KIAA1217: variants seen among roughly 807,000 people sequenced by gnomAD.
The protein encoded by KIAA1217 is KIAA1217, also known as sickle tail protein homolog.
A neutral mutation model predicts 163.9 loss-of-function variants in KIAA1217; 88 were observed. That is an observed-to-expected ratio of 0.54 (90% CI 0.45 to 0.64). The LOEUF is 0.64. Ranked by LOEUF, KIAA1217 falls within the 30% of genes least tolerant of loss-of-function variation. KIAA1217 has a pLI of 0.00. For synonymous variants in KIAA1217, 903 were observed against 923.1 expected (o/e 0.98, Z 0.39); for missense variants, 2,372 against 2,475.0 (o/e 0.96, Z 0.88).
Position 24,398,336 on chromosome 10 carries a change from G to A in KIAA1217, c.553+17269G>A, listed in dbSNP as rs115537561. Among the ~76,000 whole-genome samples, 1,241 of 152,240 alleles carry A rather than the reference G, an allele frequency of 8.2e-3. 18 individuals are homozygous for A. Among genetic ancestry groups the A allele is most frequent in the African/African-American group, 0.028 (1,155 of 41,538 alleles). On this transcript the variant is annotated intron_variant, in intron 3 of 20. Transcript: ENST00000376454. Reference sequence around the variant, plus strand: ...TGAATAAAGCTGAAGAAGAGGAGGAGGGGTTGGTCTTGCTGTCTGAGGGGT... The same window carrying A: ...TGAATAAAGCTGAAGAAGAGGAGGAAGGGTTGGTCTTGCTGTCTGAGGGGT...
At chr10:24,068,079 C>T (rs1000320167) in intron 2 of KIAA1217, among the ~76,000 whole-genome samples, 1 of 152,340 alleles carries the variant, frequency 6.6e-6, no homozygotes, top group Admixed American at 6.5e-5. Context: ...TTCCCTGACC[C>T]CTTGTGCTTC....
intron 1 of KIAA1217, among the ~76,000 whole-genome samples, chr10:23,913,694 G>A (rs945083505): frequency 6.6e-6 from 1 of 152,088 alleles, no homozygotes; most frequent in Non-Finnish European, 1.5e-5. Context: ...CTCTCGATTG[G>A]CATGTACCCT....
intron 1 of KIAA1217, among the ~76,000 whole-genome samples, chr10:23,760,027 G>A (rs979017757): frequency 6.6e-6 from 1 of 152,136 alleles, no homozygotes; most frequent in African/African-American, 2.4e-5. Flanking sequence ...CATAGGTAGA[G>A]GATTAGCTAA....
chr10:24,483,059 G>T (rs559206166), intron 6 of KIAA1217: 6 of 151,860 alleles, frequency 4.0e-5, no homozygotes, highest in Non-Finnish European at 8.8e-5. Context: ...ACTCATGCAG[G>T]GCCAACTTGT....
At chr10:24,102,389 G>T (rs2062451342) in intron 2 of KIAA1217, among the ~76,000 whole-genome samples, 1 of 152,110 alleles carries the variant, frequency 6.6e-6, no homozygotes, top group South Asian at 2.1e-4. Flanking sequence ...AGAAATCAAA[G>T]AACTACTAAA....
chr10:24,226,506 G>A, intron 2 of KIAA1217, among the ~76,000 whole-genome samples: 1 of 151,898 alleles, frequency 6.6e-6, no homozygotes, highest in Admixed American at 6.6e-5. Flanking sequence ...GCTGGGCATG[G>A]AGGCACACGC....
chr10:23,987,601 ATT>A (rs1167891171), intron 1 of KIAA1217, among the ~76,000 whole-genome samples: 4 of 125,712 alleles, frequency 3.2e-5, no homozygotes, highest in Admixed American at 1.5e-4. Flanking sequence ...TCACATTCTT[ATT>A]TGTGTGTGTG....
intron 2 of KIAA1217, among the ~76,000 whole-genome samples, chr10:24,162,318 G>C (rs959379621): frequency 6.6e-6 from 1 of 152,354 alleles, no homozygotes; most frequent in Non-Finnish European, 1.5e-5. Flanking sequence ...ACTACTCTCT[G>C]TGAACATCAA....
At chr10:24,537,753 T>C (rs1358614062) in intron 17 of KIAA1217, among the ~76,000 whole-genome samples, 2 of 152,132 alleles carry the variant, frequency 1.3e-5, no homozygotes, top group Non-Finnish European at 2.9e-5. Context: ...AAGTGTACCT[T>C]CCAAGATAGT....
rs1037256735 is a variant in KIAA1217 at position 24,109,342 on chromosome 10, T to C, written c.-171+101968T>C. 2.6e-5 allele frequency among the ~76,000 whole-genome samples: 4 copies of C among 152,198 alleles called. No homozygotes were observed. In the South Asian group the frequency reaches 6.2e-4, roughly 24 times the overall value. ...ATTGGGATAACTATCTTGTTTTATATAGTTAATTGAATTTATTAACTTTTT... is the reference window on the plus strand; with the variant it reads ...ATTGGGATAACTATCTTGTTTTATACAGTTAATTGAATTTATTAACTTTTT... On this transcript the variant is annotated intron_variant, in intron 2 of 18. Transcript: ENST00000376462.
intron 2 of KIAA1217, among the ~76,000 whole-genome samples, chr10:24,333,985 A>G (rs2046010419): frequency 6.6e-6 from 1 of 152,236 alleles, no homozygotes; most frequent in African/African-American, 2.4e-5. Context: ...TTTGCCCTAC[A>G]TCAACTTGGA....
At position 24,416,207 on chromosome 10, in the gene KIAA1217, A is replaced by G. The variant is rs1334629716; in HGVS notation, c.554-16788A>G. ...AGGAAAACTTTAGAGCGTAAATGGT[A>G]ACAAAAGTTGTTCCCCAATATATAA... On this transcript the variant is annotated intron_variant, in intron 3 of 20. Transcript: ENST00000376454. 2.6e-5 allele frequency among the ~76,000 whole-genome samples: 4 copies of G among 152,356 alleles called. No homozygotes were observed. The East Asian group carries it at 7.7e-4, about 29-fold the overall frequency.
At chr10:24,476,833 C>A (rs1238039541) in intron 6 of KIAA1217, among the ~76,000 whole-genome samples, 3 of 151,960 alleles carry the variant, frequency 2.0e-5, no homozygotes, top group Non-Finnish European at 4.4e-5. Flanking sequence ...CAGAGACACA[C>A]ACATACCACA....
In KIAA1217 at chr10:23,746,514, C is replaced by T. The variant is rs549855206; in HGVS notation, c.-321+51280C>T. On this transcript the variant is annotated intron_variant, in intron 1 of 18. Transcript: ENST00000376462. ...TCTTGGCTCACTGCTAGCTCCGCCT[C>T]CCGGGTTCAGGCCATTCTCCTGCCT... Among the ~76,000 whole-genome samples the T allele has an allele frequency of 7.2e-5, 11 of 152,224 alleles. No homozygotes were observed. The South Asian group carries it at 1.5e-3, about 20-fold the overall frequency.
intron 2 of KIAA1217, among the ~76,000 whole-genome samples, chr10:24,346,020 C>T (rs925828710): frequency 1.3e-5 from 2 of 152,152 alleles, no homozygotes; most frequent in African/African-American, 4.8e-5. Context: ...TCTCTGTGAG[C>T]TTGACTATTC....
chr10:23,818,722 A>G (rs11013728), intron 1 of KIAA1217, among the ~76,000 whole-genome samples: 45,097 of 151,972 alleles, frequency 0.3, 8,260 homozygotes, highest in African/African-American at 0.51. Context: ...TTGCCTTGGC[A>G]ATAATTTGTC....
intron 2 of KIAA1217, among the ~76,000 whole-genome samples, chr10:24,091,323 T>G (rs2061931551): frequency 6.6e-6 from 1 of 151,926 alleles, no homozygotes; most frequent in Non-Finnish European, 1.5e-5. Flanking sequence ...TCATATTGGC[T>G]AAAACAACTG....
At chr10:23,776,570 G>A (rs1329428973) in intron 1 of KIAA1217, among the ~76,000 whole-genome samples, 1 of 149,734 alleles carries the variant, frequency 6.7e-6, no homozygotes, top group Non-Finnish European at 1.5e-5. Flanking sequence ...AAATATTAAT[G>A]AAATCTAAAA....
In KIAA1217 at chr10:24,546,202, G is replaced by C; in HGVS notation, c.5710G>C (p.Val1904Leu). Residue 1904 changes from valine (V) to leucine (L), a missense_variant, in exon 21 of 21, where the codon GTC becomes CTC. Physicochemically the swap from Val to Leu is conservative, Grantham distance 32. Around this residue, in one of 3 missense-constraint regions of KIAA1217, gnomAD observed 690 missense variants for 677.5 expected, o/e 1.02. Transcript: ENST00000376454. The stretch of plus-strand genomic sequence containing the variant: ...CTCCCCTCCTTCTCCTGCCTCCTCC[G>C]TCTCACTGAATCAAGGTGCCAAGGG... ...SSSPPSPASS[V>L]SLNQGAKGTR... 1 of 1,613,964 alleles carries C rather than the reference G, an allele frequency of 6.2e-7. No individual in the cohort carries two copies. Among genetic ancestry groups the C allele is most frequent in the Non-Finnish European group, 8.5e-7 (1 of 1,179,990 alleles).
Sources: gnomAD v4.1 joint callset for allele counts (sites outside exome capture counted in the v4.1 genomes callset) on GRCh38, gnomAD v4.1.1 for gene constraint, gnomAD v4.1.1 regional missense constraint, MANE v1.5 for transcripts, NCBI Gene and HGNC (gene_info 2026-07-23, HGNC 2026-07-21) for gene names.